HECW1: variants seen among roughly 807,000 people sequenced by gnomAD.
HECW1 encodes HECT, C2 and WW domain containing E3 ubiquitin protein ligase 1, also known as E3 ubiquitin-protein ligase HECW1.
A neutral mutation model predicts 182.3 loss-of-function variants in HECW1; 61 were observed. The ratio of observed to expected loss-of-function variants is 0.33; its 90% CI spans 0.27 to 0.41. HECW1 has a LOEUF of 0.41. HECW1 is among the 10% of genes least tolerant of loss of function. The pLI, the probability that HECW1 is intolerant of heterozygous loss-of-function variation, is 1.00. For synonymous variants in HECW1, 859 were observed against 832.6 expected (o/e 1.03, Z -0.55); for missense variants, 1,739 against 2,108.9 (o/e 0.82, Z 3.44).
At chr7:43,479,847 C>T (rs2304326) in intron 17 of HECW1, 103 bp downstream of exon 17, 159,417 of 1,395,974 alleles carry the variant, frequency 0.11, 10,054 homozygotes, top group Middle Eastern at 0.19. Context: ...GGGTTGCCTG[C>T]GCTGGAAGAG....
chr7:43,271,129 T>C (rs191142425), intron 3 of HECW1, among the ~76,000 whole-genome samples: 1 of 152,342 alleles, frequency 6.6e-6, no homozygotes, highest in Admixed American at 6.5e-5. Context: ...TATTTCATTC[T>C]AAAATTCCAC....
intron 6 of HECW1, among the ~76,000 whole-genome samples, chr7:43,367,864 G>C (rs765594126): frequency 6.6e-6 from 1 of 151,946 alleles, no homozygotes; most frequent in Non-Finnish European, 1.5e-5. Context: ...ATTTTTTCTC[G>C]CTGCTAATCT....
intron 9 of HECW1, 56 bp downstream of exon 9, chr7:43,438,201 C>A: frequency 6.6e-7 from 1 of 1,515,028 alleles, no homozygotes; most frequent in Non-Finnish European, 9.1e-7. Context: ...AGGTCGTGCC[C>A]AAAGGTGGCC....
intron 3 of HECW1, among the ~76,000 whole-genome samples, chr7:43,302,621 G>A (rs1022991340): frequency 2.0e-5 from 3 of 152,182 alleles, no homozygotes; most frequent in African/African-American, 7.2e-5. Context: ...GCCGCCCCGG[G>A]AGGATGATGT....
intron 24 of HECW1, among the ~76,000 whole-genome samples, chr7:43,521,560 C>A (rs1045571455): frequency 6.6e-6 from 1 of 152,162 alleles, no homozygotes; most frequent in Non-Finnish European, 1.5e-5. Context: ...TGAAACTTAA[C>A]CCCCAAGGTG....
At chr7:43,523,135 C>G (rs767051454) in intron 24 of HECW1, 62 of 366,616 alleles carry the variant, frequency 1.7e-4, no homozygotes, top group Non-Finnish European at 3.1e-4. Context: ...TCTCAAGTAG[C>G]TGGGATTACA....
At chr7:43,483,556 T>TTTTTTG in intron 17 of HECW1, among the ~76,000 whole-genome samples, 1 of 148,664 alleles carries the variant, frequency 6.7e-6, no homozygotes, top group Non-Finnish European at 1.5e-5. Context: ...TCTTTTTTTT[T>TTTTTTG]TTTTTTTTTT....
chr7:43,126,636 A>G (rs1246158709), intron 2 of HECW1, among the ~76,000 whole-genome samples: 1 of 152,202 alleles, frequency 6.6e-6, no homozygotes, highest in Non-Finnish European at 1.5e-5. Flanking sequence ...TTCCATAGAT[A>G]CTGCATTTTT....
intron 8 of HECW1, among the ~76,000 whole-genome samples, chr7:43,436,081 G>A (rs747028762): frequency 1.3e-4 from 20 of 148,924 alleles, no homozygotes; most frequent in South Asian, 2.1e-4. Context: ...GGAGAATGGC[G>A]TGAACCTGGG....
At chr7:43,315,112 G>A (rs137980853) in intron 4 of HECW1, among the ~76,000 whole-genome samples, 166 of 152,304 alleles carry the variant, frequency 1.1e-3, no homozygotes, top group Non-Finnish European at 1.9e-3. Flanking sequence ...AAAGCAAATA[G>A]GACTGTTCTG....
intron 5 of HECW1, among the ~76,000 whole-genome samples, chr7:43,358,726 G>A (rs1402979022): frequency 6.6e-6 from 1 of 151,984 alleles, no homozygotes; most frequent in Non-Finnish European, 1.5e-5. Flanking sequence ...AGCGTTCTAT[G>A]AGATGGTCAG....
chr7:43,494,436 A>G (rs2079041463), intron 19 of HECW1, among the ~76,000 whole-genome samples: 1 of 152,132 alleles, frequency 6.6e-6, no homozygotes, highest in South Asian at 2.1e-4. Context: ...TAAAGCATAG[A>G]TTAAATCATG....
chr7:43,452,317 A>G (rs2077260795), intron 12 of HECW1, among the ~76,000 whole-genome samples: 3 of 152,268 alleles, frequency 2.0e-5, no homozygotes. Context: ...TCTGTGCAGT[A>G]CAGATGACTA....
At chr7:43,206,283 A>G (rs547376981) in intron 2 of HECW1, among the ~76,000 whole-genome samples, 49 of 152,322 alleles carry the variant, frequency 3.2e-4, no homozygotes, top group African/African-American at 1.2e-3. Context: ...CACGGAGTCA[A>G]GAGGATCTTC....
intron 12 of HECW1, among the ~76,000 whole-genome samples, chr7:43,453,426 G>A (rs2152886289): frequency 6.6e-6 from 1 of 152,252 alleles, no homozygotes; most frequent in Middle Eastern, 3.4e-3. Context: ...AACTGAGTTG[G>A]GTAGGAAAGA....
chr7:43,361,070 G>T, intron 6 of HECW1, 90 bp downstream of exon 6: 1 of 712,174 alleles, frequency 1.4e-6, no homozygotes. Flanking sequence ...GTGTGTGTGT[G>T]TGTGTGTGTG....
intron 9 of HECW1, among the ~76,000 whole-genome samples, chr7:43,440,850 C>G (rs977322990): frequency 1.4e-5 from 2 of 148,106 alleles, no homozygotes; most frequent in African/African-American, 5.0e-5. Flanking sequence ...ACTCCAAACA[C>G]TAAATCATGG....
At chr7:43,528,243 G>A (rs2080839664) in intron 24 of HECW1, among the ~76,000 whole-genome samples, 1 of 152,160 alleles carries the variant, frequency 6.6e-6, no homozygotes, top group South Asian at 2.1e-4. Context: ...AAGCTAAGGA[G>A]AAATCATGCT....
At chr7:43,254,168 A>T (rs1195180774) in intron 3 of HECW1, among the ~76,000 whole-genome samples, 1 of 152,162 alleles carries the variant, frequency 6.6e-6, no homozygotes, top group Non-Finnish European at 1.5e-5. Flanking sequence ...TTGCCTGGGA[A>T]GCGTCTTTGT....
Sources: gnomAD v4.1 joint callset for allele counts (sites outside exome capture counted in the v4.1 genomes callset) on GRCh38, gnomAD v4.1.1 for gene constraint, MANE v1.5 for transcripts, NCBI Gene and HGNC (gene_info 2026-07-23, HGNC 2026-07-21) for gene names.